The following NGLY1 variants were observed in gnomAD, a reference collection of about 807,000 sequenced individuals.
NGLY1 encodes N-glycanase 1.
NGLY1 carries 68 observed loss-of-function variants against 84.6 expected under a neutral mutation model. That is an observed-to-expected ratio of 0.80 (90% CI 0.66 to 0.98). The LOEUF (loss-of-function observed/expected upper bound fraction) is 0.98. Ranked by LOEUF, NGLY1 falls within the 50% of genes least tolerant of loss-of-function variation. The probability of loss-of-function intolerance (pLI) is 0.00; values close to 1 mark genes in which losing one functional copy is unlikely to be tolerated. For missense variants in NGLY1, 779 were observed against 770.2 expected, an observed-to-expected ratio of 1.01 and a Z score of -0.14; for synonymous variants, 280 against 275.2, an observed-to-expected ratio of 1.02 and a Z score of -0.17.
intron 1 of NGLY1, 27 bp from the exon 2 acceptor site, chr3:25,778,715 A>C (rs1469498933): frequency 7.0e-7 from 1 of 1,424,756 alleles, no homozygotes; most frequent in Non-Finnish European, 9.8e-7. Flanking sequence ...GTTTGATTAT[A>C]TATAAAAAAA....
intron 3 of NGLY1, chr3:25,754,969 T>C (rs540550878): frequency 3.3e-5 from 25 of 764,656 alleles, no homozygotes; most frequent in Non-Finnish European, 6.0e-5. Context: ...CTCCTAGGGA[T>C]GCCTTGGTGA....
chr3:25,773,742 A>T (rs1334072469), intron 2 of NGLY1, among the ~76,000 whole-genome samples: 3 of 152,176 alleles, frequency 2.0e-5, no homozygotes, highest in Admixed American at 2.0e-4. Flanking sequence ...ATTTAGGTAT[A>T]GACTATGTCA....
At chr3:25,784,223 AG>A (rs1214249339), upstream of NGLY1, 1 of 152,216 alleles carries the variant, frequency 6.6e-6, no homozygotes, top group Non-Finnish European at 1.5e-5. Flanking sequence ...CAGCTCAACT[AG>A]TATATGATTC....
chr3:25,755,311 G>A, intron 3 of NGLY1: 2 of 1,368,332 alleles, frequency 1.5e-6, no homozygotes, highest in Non-Finnish European at 1.0e-6. Context: ...ATAGGCTGAA[G>A]TCCTTAATTA....
intron 2 of NGLY1, chr3:25,778,332 C>T (rs1025531705): frequency 1.3e-5 from 4 of 319,062 alleles, no homozygotes; most frequent in African/African-American, 8.7e-5. Flanking sequence ...CATGTATGAC[C>T]CTTATTTTAA....
intron 2 of NGLY1, among the ~76,000 whole-genome samples, chr3:25,777,142 T>C (rs1326146130): frequency 6.6e-6 from 1 of 152,198 alleles, no homozygotes; most frequent in Non-Finnish European, 1.5e-5. Flanking sequence ...ACGCCTGTAA[T>C]CCCAATACTT....
exon 1 of NGLY1, chr3:25,789,892 C>A: frequency 1.3e-6 from 2 of 1,551,628 alleles, no homozygotes; most frequent in Non-Finnish European, 1.7e-6. Context: ...CCTCGATTAT[C>A]GGCGAGTCAC....
At chr3:25,733,466 C>CGTGTATGTGTGTGT (rs1491564606) in intron 8 of NGLY1, among the ~76,000 whole-genome samples, 88 of 134,210 alleles carry the variant, frequency 6.6e-4, no homozygotes, top group African/African-American at 2.3e-3. Context: ...CTCACATGGA[C>CGTGTATGTGTGTGT]GTGTGTGTGT....
intron 4 of NGLY1, among the ~76,000 whole-genome samples, chr3:25,745,145 A>G (rs773073017): frequency 6.6e-6 from 1 of 152,206 alleles, no homozygotes; most frequent in Non-Finnish European, 1.5e-5. Flanking sequence ...TAGAATTTTC[A>G]GCAATAATGG....
chr3:25,767,143 T>C (rs144411338), intron 2 of NGLY1, among the ~76,000 whole-genome samples: 205 of 151,528 alleles, frequency 1.4e-3, no homozygotes, highest in Non-Finnish European at 2.2e-3. Flanking sequence ...AATACAAAAA[T>C]TGGCTGGGCG....
chr3:25,757,558 G>A (rs1273006825), intron 3 of NGLY1, among the ~76,000 whole-genome samples: 3 of 152,092 alleles, frequency 2.0e-5, no homozygotes, highest in Non-Finnish European at 4.4e-5. Flanking sequence ...AAAGACTACC[G>A]AATGGTAAAA....
chr3:25,731,533 T>C (rs1365970174), intron 9 of NGLY1, among the ~76,000 whole-genome samples: 2 of 152,100 alleles, frequency 1.3e-5, no homozygotes, highest in African/African-American at 2.4e-5. Context: ...AAAAACTGTT[T>C]GGCAATATGT....
At chr3:25,759,664 T>C (rs1040362524) in intron 3 of NGLY1, among the ~76,000 whole-genome samples, 1 of 152,188 alleles carries the variant, frequency 6.6e-6, no homozygotes, top group Non-Finnish European at 1.5e-5. Context: ...CATGTACTAA[T>C]GCTACATAAG....
At chr3:25,727,204 CT>C (rs1705309565) in intron 10 of NGLY1, among the ~76,000 whole-genome samples, 1 of 152,034 alleles carries the variant, frequency 6.6e-6, no homozygotes, top group African/African-American at 2.4e-5. Flanking sequence ...TAGTATTTTT[CT>C]TCATTTGATA....
chr3:25,756,409 T>G (rs538459589), intron 3 of NGLY1, among the ~76,000 whole-genome samples: 1 of 152,350 alleles, frequency 6.6e-6, no homozygotes, highest in East Asian at 1.9e-4. Context: ...GCATTTGCTG[T>G]TTTTCACTCT....
At chr3:25,741,907 A>C (rs1706167590) in intron 4 of NGLY1, among the ~76,000 whole-genome samples, 1 of 152,118 alleles carries the variant, frequency 6.6e-6, no homozygotes, top group African/African-American at 2.4e-5. Context: ...AAGCTGAGGC[A>C]GGAGAATCAC....
At chr3:25,777,865 G>A (rs1708230065) in intron 2 of NGLY1, 1 of 152,226 alleles carries the variant, frequency 6.6e-6, no homozygotes, top group Non-Finnish European at 1.5e-5. Context: ...AGAGAGGCAT[G>A]AAGAAAAGTG....
upstream of NGLY1, among the ~76,000 whole-genome samples, chr3:25,785,527 T>A (rs554907946): frequency 6.6e-6 from 1 of 152,034 alleles, no homozygotes; most frequent in South Asian, 2.1e-4. Context: ...AGAACTTTTT[T>A]TTTTTTTTCA....
At chr3:25,752,206 T>C (rs1159935851) in intron 3 of NGLY1, among the ~76,000 whole-genome samples, 1 of 152,148 alleles carries the variant, frequency 6.6e-6, no homozygotes, top group Non-Finnish European at 1.5e-5. Context: ...ATCTTGGACG[T>C]AAAAATTTTA....
Sources: allele counts gnomAD v4.1 joint callset (sites outside exome capture counted in the v4.1 genomes callset), GRCh38; gene constraint gnomAD v4.1.1; transcripts MANE v1.5; gene names NCBI Gene and HGNC (gene_info 2026-07-23, HGNC 2026-07-21).